Variants in DOCK5 observed in about 807,000 individuals in gnomAD.
DOCK5 encodes dedicator of cytokinesis protein 5.
Under a neutral mutation model 251.8 loss-of-function variants are expected in DOCK5, and 142 were observed. The observed-to-expected ratio is 0.56, with a 90% CI of 0.49 to 0.65. The LOEUF (loss-of-function observed/expected upper bound fraction) is 0.65. Ranked by LOEUF, DOCK5 falls within the 30% of genes least tolerant of loss-of-function variation. DOCK5 has a pLI of 0.00. For synonymous variants in DOCK5, 842 were observed against 835.5 expected (o/e 1.01, Z -0.13); for missense variants, 2,111 against 2,312.3 (o/e 0.91, Z 1.79).
At chr8:25,301,649 G>A (rs1306792551) in intron 9 of DOCK5, among the ~76,000 whole-genome samples, 1 of 151,016 alleles carries the variant, frequency 6.6e-6, no homozygotes, top group Non-Finnish European at 1.5e-5. Context: ...TGGATCCCTT[G>A]AGCCTAGACG....
Position 25,309,562 on chromosome 8 carries a change from T to C in DOCK5, c.1192+637T>C, listed in dbSNP as rs545484317. 5.3e-5 allele frequency among the ~76,000 whole-genome samples: 8 copies of C among 152,300 alleles called. No individual in the cohort carries two copies. The East Asian group carries it at 1.5e-3, about 29-fold the overall frequency. On this transcript the variant is annotated intron_variant, in intron 12 of 51. Coordinates refer to ENST00000276440, the MANE Select transcript of DOCK5 (RefSeq NM_024940.8). Reference sequence around the variant, plus strand: ...CTCTATTCTGAATAAGTTTATCCCATCACATTTTTTAAAATTGAGAGGAAG... The same window carrying C: ...CTCTATTCTGAATAAGTTTATCCCACCACATTTTTTAAAATTGAGAGGAAG...
rs957274552 is a variant in DOCK5, at chr8:25,228,492, G to T, written c.44-15182G>T. ...CTTGTGGCTACCCCATAGGCAGTGT[G>T]CCCACAATGGCAGCTCTGGTTCTAC... On this transcript the variant is annotated intron_variant, in intron 1 of 51. Transcript: ENST00000276440. 3.3e-5 allele frequency among the ~76,000 whole-genome samples: 5 copies of T among 152,168 alleles called. No individual in the cohort carries two copies. The East Asian group carries it at 5.8e-4, about 18-fold the overall frequency.
At chr8:25,218,437 C>G (rs903461426) in intron 1 of DOCK5, among the ~76,000 whole-genome samples, 12 of 152,208 alleles carry the variant, frequency 7.9e-5, no homozygotes, top group Admixed American at 7.9e-4. Flanking sequence ...TTATTTCACG[C>G]TGCTTGCCTC....
intron 1 of DOCK5, among the ~76,000 whole-genome samples, chr8:25,200,107 G>A (rs143221135): frequency 1.7e-3 from 263 of 152,274 alleles, no homozygotes; most frequent in African/African-American, 6.0e-3. Context: ...CAAAAATGTT[G>A]GGAACTTTGG....
At chr8:25,392,196 C>T (rs575194908) in intron 43 of DOCK5, among the ~76,000 whole-genome samples, 58 of 151,332 alleles carry the variant, frequency 3.8e-4, no homozygotes, top group African/African-American at 1.3e-3. Context: ...CCCAGCTACT[C>T]GGGAGGCTGA....
At chr8:25,207,358 G>A (rs1221831756) in intron 1 of DOCK5, among the ~76,000 whole-genome samples, 1 of 152,194 alleles carries the variant, frequency 6.6e-6, no homozygotes, top group Non-Finnish European at 1.5e-5. Flanking sequence ...CATATTTTAA[G>A]TGTAGATGAA....
intron 5 of DOCK5, among the ~76,000 whole-genome samples, chr8:25,283,933 G>A (rs1804269001): frequency 6.6e-6 from 1 of 152,284 alleles, no homozygotes; most frequent in South Asian, 2.1e-4. Flanking sequence ...GGAAAGGAGG[G>A]AACATTGTGA....
chr8:25,383,648 G>A (rs1203454945), intron 40 of DOCK5, among the ~76,000 whole-genome samples: 1 of 152,066 alleles, frequency 6.6e-6, no homozygotes, highest in African/African-American at 2.4e-5. Flanking sequence ...TGACGTCAGG[G>A]GTTCGAGACC....
Position 25,184,892 on chromosome 8 carries a change from G to T in DOCK5, c.-17G>T. On this transcript the variant is annotated 5_prime_UTR_variant, in exon 1 of 52. Transcript: ENST00000276440. ...TAGCAGCCTTAGTCGCCGCCGCCGC[G>T]GGGCGAGGTCGCCGCCATGGCCCGC... The T allele has an allele frequency of 7.2e-7, 1 of 1,391,506 alleles. No individual in the cohort carries two copies. Among genetic ancestry groups the T allele is most frequent in the Non-Finnish European group, 9.4e-7 (1 of 1,065,438 alleles). 86.2% of individuals were successfully genotyped at this position (1,391,506 alleles called of 1,614,324 possible). A position where few individuals can be genotyped will look rare whatever the true frequency, so the allele number is the denominator to read the frequency against.
rs1404294033 is a variant in DOCK5 at position 25,368,191 on chromosome 8, G to A, written c.3225-1G>A. On this transcript the variant is annotated splice_acceptor_variant, in intron 31 of 51. Transcript: ENST00000276440. LOFTEE classifies it high-confidence loss of function. ...CTTCTAGTTTATGATCTTCTTCCTA[G>A]ATATGGGGACATGAGAAAGGAAATC... is the stretch of plus-strand genomic sequence containing the variant. 1.2e-6 allele frequency: 2 copies of A among 1,611,230 alleles called. No individual in the cohort carries two copies. The highest frequency in any genetic ancestry group is 2.7e-5 in the African/African-American group (2 of 74,990).
At chr8:25,322,257 G>T (rs759103460) in intron 16 of DOCK5, among the ~76,000 whole-genome samples, 1 of 152,234 alleles carries the variant, frequency 6.6e-6, no homozygotes, top group African/African-American at 2.4e-5. Flanking sequence ...GGGTGGTTAT[G>T]TACGGAATAG....
chr8:25,307,951 T>C (rs1003554001), intron 11 of DOCK5, among the ~76,000 whole-genome samples: 3 of 152,178 alleles, frequency 2.0e-5, no homozygotes, highest in Non-Finnish European at 4.4e-5. Context: ...GAGAGAATCA[T>C]TTGTAAAAAA....
At chr8:25,275,559 G>A (rs764081649) in intron 4 of DOCK5, 118 bp downstream of exon 4, 37 of 1,027,716 alleles carry the variant, frequency 3.6e-5, no homozygotes, top group Non-Finnish European at 4.6e-5. Flanking sequence ...CTCAGGCCAG[G>A]CGTGGTGGCT....
chr8:25,198,467 G>C (rs938445071), intron 1 of DOCK5, among the ~76,000 whole-genome samples: 1 of 152,038 alleles, frequency 6.6e-6, no homozygotes, highest in African/African-American at 2.4e-5. Flanking sequence ...AGCTATGCAG[G>C]AGGCTGAAGC....
In DOCK5 at chr8:25,254,783, C is replaced by CAAAAAAAAAAA. The variant is rs1803370820; in HGVS notation, c.127+11030_127+11031insAAAAAAAAAAA. ...AGCAAGACTTTGTCTCAAAAAAAAA[C>CAAAAAAAAAAA]AAAACAAAACAAAAAAAAAAAACAT... On this transcript the variant is annotated intron_variant, in intron 2 of 51. Coordinates refer to ENST00000276440, the MANE Select transcript of DOCK5 (RefSeq NM_024940.8). Among the ~76,000 whole-genome samples the CAAAAAAAAAAA allele has an allele frequency of 7.1e-5, 3 of 42,188 alleles. 1 individual carries two copies. The highest frequency in any genetic ancestry group is 1.3e-4 in the Non-Finnish European group (3 of 23,700). 27.7% of individuals were successfully genotyped at this position (42,188 alleles called of 152,430 possible).
chr8:25,395,791 G>A (rs1801335739), intron 45 of DOCK5, 72 bp downstream of exon 45: 10 of 1,497,010 alleles, frequency 6.7e-6, no homozygotes, highest in Non-Finnish European at 9.2e-6. Context: ...TGTGCCATTT[G>A]CCACTGACAA....
In DOCK5 at chr8:25,410,939, A is replaced by AATGTGTGTGTGTGTGTGTG. The variant is rs1554513012; in HGVS notation, c.5509-255_5509-254insATGTGTGTGTGTGTGTGTG. On this transcript the variant is annotated intron_variant, in intron 51 of 51. Transcript: ENST00000276440. ...TATGGCAGCGAGAGAGAGAGAGAAA[A>AATGTGTGTGTGTGTGTGTG]TGTGTGTGTGTGTGTGTGTGTGTGT... Among the ~76,000 whole-genome samples, 150 of 101,924 alleles carry AATGTGTGTGTGTGTGTGTG rather than the reference A, an allele frequency of 1.5e-3. 1 individual carries two copies. The highest frequency in any genetic ancestry group is 2.8e-3 in the Non-Finnish European group (132 of 47,682). 66.9% of individuals were successfully genotyped at this position (101,924 alleles called of 152,430 possible).
rs1800716799 is a variant in DOCK5 at position 25,363,144 on chromosome 8, G to A, written c.3044+3G>A. Reference sequence around the variant, plus strand: ...GTGATGAATATGACTCAAAACAGGTGAGACAGCCCATGGCTGGCCCTGAGG... The same window carrying A: ...GTGATGAATATGACTCAAAACAGGTAAGACAGCCCATGGCTGGCCCTGAGG... On this transcript the variant is annotated splice_donor_region_variant and intron_variant, in intron 29 of 51. Coordinates refer to ENST00000276440, the MANE Select transcript of DOCK5 (RefSeq NM_024940.8). The A allele has an allele frequency of 6.2e-7, 1 of 1,613,402 alleles. No individual in the cohort carries two copies. The highest frequency in any genetic ancestry group is 1.7e-5 in the Admixed American group (1 of 59,998).
chr8:25,319,133 G>A (rs1305444750), intron 14 of DOCK5, among the ~76,000 whole-genome samples: 1 of 152,152 alleles, frequency 6.6e-6, no homozygotes, highest in African/African-American at 2.4e-5. Context: ...GCCCTGAGTT[G>A]AGTGAATATG....
Sources: gnomAD v4.1 joint callset for allele counts (sites outside exome capture counted in the v4.1 genomes callset) on GRCh38, gnomAD v4.1.1 for gene constraint, MANE v1.5 for transcripts, NCBI Gene and HGNC (gene_info 2026-07-23, HGNC 2026-07-21) for gene names.